The following FBXO31 variants were observed in gnomAD, a reference collection of about 807,000 sequenced individuals.
The protein encoded by FBXO31 is F-box protein 31.
A neutral mutation model predicts 54.4 loss-of-function variants in FBXO31; 24 were observed. That is an observed-to-expected ratio of 0.44 (90% CI 0.32 to 0.62). FBXO31 has a LOEUF of 0.62. Ranked by LOEUF, FBXO31 falls within the 20% of genes least tolerant of loss-of-function variation. The pLI, the probability that FBXO31 is intolerant of heterozygous loss-of-function variation, is 0.05. For missense variants in FBXO31, 665 were observed against 787.1 expected (o/e 0.84, Z 1.86); for synonymous variants, 388 against 335.6 (o/e 1.16, Z -1.71).
At chr16:87,364,610 G>A (rs747401974) in intron 1 of FBXO31, among the ~76,000 whole-genome samples, 6 of 152,284 alleles carry the variant, frequency 3.9e-5, no homozygotes, top group South Asian at 2.1e-4. Context: ...ACTGAGGGAC[G>A]CGTCACCCCA....
chr16:87,382,124 T>C (rs1366121133), intron 1 of FBXO31, among the ~76,000 whole-genome samples: 1 of 151,304 alleles, frequency 6.6e-6, no homozygotes, highest in Non-Finnish European at 1.5e-5. Context: ...CACAAAGCAG[T>C]CTTCAAAGCA....
At chr16:87,334,894 C>T (rs918307678) in intron 7 of FBXO31, among the ~76,000 whole-genome samples, 1 of 152,108 alleles carries the variant, frequency 6.6e-6, no homozygotes, top group African/African-American at 2.4e-5. Context: ...GCTGCTGAAG[C>T]TCAGACAGGG....
In FBXO31 at chr16:87,345,711, T is replaced by C. The variant is rs964857035; in HGVS notation, c.489+1463A>G. ...AAAGACTGAACACATCAGAGAGCAA[T>C]GAAGGTAGCCCAGTGACGAGGACCC... On this transcript the variant is annotated intron_variant, in intron 3 of 8. Transcript: ENST00000311635. This position sits in a 1 kb window ranked among gnomAD's most constrained non-coding sequence, Gnocchi z 4.9. Among the ~76,000 whole-genome samples, 2 of 151,794 alleles carry C rather than the reference T, an allele frequency of 1.3e-5. No individual in the cohort carries two copies. The highest frequency in any genetic ancestry group is 2.9e-5 in the Non-Finnish European group (2 of 67,946).
At chr16:87,344,781 A>AC (rs1905307337) in intron 3 of FBXO31, among the ~76,000 whole-genome samples, 4 of 152,178 alleles carry the variant, frequency 2.6e-5, no homozygotes, top group Non-Finnish European at 5.9e-5. Context: ...GCAAGGCTGG[A>AC]GCACGCGACG....
intron 5 of FBXO31, among the ~76,000 whole-genome samples, chr16:87,339,366 C>T (rs1905123529): frequency 6.6e-6 from 1 of 152,162 alleles, no homozygotes; most frequent in Non-Finnish European, 1.5e-5. Flanking sequence ...TGCATGAATC[C>T]ACAGACAGCC....
At chr16:87,359,736 C>T (rs1189281524) in intron 2 of FBXO31, among the ~76,000 whole-genome samples, 1 of 152,186 alleles carries the variant, frequency 6.6e-6, no homozygotes, top group Non-Finnish European at 1.5e-5. Flanking sequence ...GAAGAAACAC[C>T]CGCGGGAAGA....
At chr16:87,366,743 T>C (rs1416148297) in intron 1 of FBXO31, among the ~76,000 whole-genome samples, 2 of 151,910 alleles carry the variant, frequency 1.3e-5, no homozygotes, top group African/African-American at 2.4e-5. Flanking sequence ...GGCTGCTACA[T>C]GGAGAGAGGG....
rs1473038404 is a variant in FBXO31 at position 87,331,419 on chromosome 16, C to T, written c.1489G>A (p.Gly497Arg). The T allele has an allele frequency of 1.9e-6, 3 of 1,613,802 alleles. No individual in the cohort carries two copies. The highest frequency in any genetic ancestry group is 2.5e-6 in the Non-Finnish European group (3 of 1,180,016). The change falls in exon 9 of 9, where the codon GGG (glycine) becomes AGG (arginine). Residue 497 changes from glycine to arginine, a missense_variant. Gly to Arg is a moderately radical substitution (Grantham distance 125). Coordinates refer to ENST00000311635, the MANE Select transcript of FBXO31 (RefSeq NM_024735.5). ...GATTTCAGCTCCAGCCAGACGAACC[C>T]GAAGCGGTCCTCATCGAAGAGGATG... is the stretch of plus-strand genomic sequence containing the variant. ...VFILFDEDRF[G>R]FVWLELKSFS... is the part of the protein sequence containing the mutation.
At chr16:87,373,515 A>G (rs758951668) in intron 1 of FBXO31, among the ~76,000 whole-genome samples, 29 of 149,400 alleles carry the variant, frequency 1.9e-4, no homozygotes, top group Non-Finnish European at 3.7e-4. Flanking sequence ...ATATATACAC[A>G]TACATACCTG....
At position 87,345,720 on chromosome 16, in the gene FBXO31, C is replaced by T. The variant is rs147888885; in HGVS notation, c.489+1454G>A. Among the ~76,000 whole-genome samples the T allele has an allele frequency of 3.1e-3, 468 of 152,316 alleles. 4 individuals carry two copies. Among genetic ancestry groups the T allele is most frequent in the African/African-American group, 0.011 (460 of 41,566 alleles). On this transcript the variant is annotated intron_variant, in intron 3 of 8. Transcript: ENST00000311635. This position sits in a 1 kb window ranked among gnomAD's most constrained non-coding sequence, Gnocchi z 4.9. ...ACACATCAGAGAGCAATGAAGGTAGCCCAGTGACGAGGACCCAAGGCCCTG... is the reference window on the plus strand; with the variant it reads ...ACACATCAGAGAGCAATGAAGGTAGTCCAGTGACGAGGACCCAAGGCCCTG...
intron 2 of FBXO31, among the ~76,000 whole-genome samples, chr16:87,348,701 G>A (rs923626748): frequency 2.0e-5 from 3 of 152,304 alleles, no homozygotes; most frequent in Non-Finnish European, 2.9e-5. Context: ...GGCCCCTAAC[G>A]GTGGGACAGA....
At chr16:87,353,282 C>T (rs1905746314) in intron 2 of FBXO31, among the ~76,000 whole-genome samples, 1 of 152,184 alleles carries the variant, frequency 6.6e-6, no homozygotes, top group African/African-American at 2.4e-5. Flanking sequence ...TGACACAAGG[C>T]CTGCCTAGGT....
At chr16:87,367,389 G>A (rs1461221996) in intron 1 of FBXO31, 3 of 152,100 alleles carry the variant, frequency 2.0e-5, no homozygotes, top group Admixed American at 6.6e-5. Context: ...TCACTGAGCC[G>A]AGCTCCGCAC....
intron 1 of FBXO31, among the ~76,000 whole-genome samples, chr16:87,362,296 A>G (rs1456974420): frequency 6.6e-6 from 1 of 152,002 alleles, no homozygotes; most frequent in African/African-American, 2.4e-5. Flanking sequence ...TGCAGTCATT[A>G]CTGAGTTATC....
chr16:87,382,933 C>A (rs1907148002), intron 1 of FBXO31, among the ~76,000 whole-genome samples: 1 of 152,166 alleles, frequency 6.6e-6, no homozygotes, highest in African/African-American at 2.4e-5. Context: ...CGCGCCCGGC[C>A]TGCTCCCATT....
intron 2 of FBXO31, among the ~76,000 whole-genome samples, chr16:87,353,093 G>A (rs1293048333): frequency 3.3e-5 from 5 of 152,184 alleles, no homozygotes; most frequent in African/African-American, 7.2e-5. Flanking sequence ...CAGCCGAGGC[G>A]TGGCCAGGGC....
chr16:87,332,207 G>A (rs541943369), intron 8 of FBXO31, among the ~76,000 whole-genome samples: 18 of 152,358 alleles, frequency 1.2e-4, no homozygotes, highest in African/African-American at 3.6e-4. Flanking sequence ...AGAAGTTCCA[G>A]GGCCCAGAGG....
At chr16:87,344,042 G>C (rs1266938084) in intron 3 of FBXO31, among the ~76,000 whole-genome samples, 2 of 152,286 alleles carry the variant, frequency 1.3e-5, no homozygotes, top group Non-Finnish European at 2.9e-5. Context: ...CAACAGGAAA[G>C]AGTGAACAAC....
chr16:87,346,801 G>C lies in FBXO31; in HGVS notation c.489+373C>G, dbSNP rs556164844. Among the ~76,000 whole-genome samples, 2 of 152,196 alleles carry C rather than the reference G, an allele frequency of 1.3e-5. No homozygotes were observed. Among genetic ancestry groups the C allele is most frequent in the Non-Finnish European group, 2.9e-5 (2 of 68,042 alleles). On this transcript the variant is annotated intron_variant, in intron 3 of 8. Transcript: ENST00000311635. This position sits in a 1 kb window ranked among gnomAD's most constrained non-coding sequence, Gnocchi z 4.2. ...AGAACCCAAGGAAACAGACGTCAGA[G>C]TGCACCATGGCTGGAACATGGGGGG...
Sources: gnomAD v4.1 joint callset for allele counts (sites outside exome capture counted in the v4.1 genomes callset) on GRCh38, gnomAD v4.1.1 for gene constraint, Gnocchi (gnomAD v3.1) non-coding constraint, MANE v1.5 for transcripts, NCBI Gene and HGNC (gene_info 2026-07-23, HGNC 2026-07-21) for gene names.